Variants in MICAL3 observed in about 807,000 individuals in gnomAD.
The protein encoded by MICAL3 is microtubule associated monooxygenase, calponin and LIM domain containing 3.
Under a neutral mutation model 207.4 loss-of-function variants are expected in MICAL3, and 62 were observed. That is an observed-to-expected ratio of 0.30 (90% CI 0.24 to 0.37). MICAL3 has a LOEUF of 0.37. Among genes scored for constraint, MICAL3 ranks in the 10% least tolerant of loss-of-function variants. MICAL3 has a pLI of 1.00. For synonymous variants in MICAL3, 1,077 were observed against 1,069.3 expected, an observed-to-expected ratio of 1.01 and a Z score of -0.14; for missense variants, 2,368 against 2,635.6, an observed-to-expected ratio of 0.90 and a Z score of 2.22.
At chr22:17,872,971 A>G (rs1314606124) in intron 16 of MICAL3, 2 of 710,738 alleles carry the variant, frequency 2.8e-6, no homozygotes, top group Non-Finnish European at 4.9e-6. Flanking sequence ...ATTTGAATAC[A>G]AGGTGCAGCA....
At chr22:17,928,265 C>T (rs1324441266) in intron 1 of MICAL3, among the ~76,000 whole-genome samples, 1 of 152,098 alleles carries the variant, frequency 6.6e-6, no homozygotes, top group Non-Finnish European at 1.5e-5. Context: ...CGGTGAAACC[C>T]CGCCTCTACT....
intron 5 of MICAL3, 68 bp downstream of exon 5, chr22:17,901,810 G>A (rs1004471197): frequency 8.8e-6 from 11 of 1,248,714 alleles, no homozygotes; most frequent in Admixed American, 1.8e-5. Flanking sequence ...GCACAGTCTC[G>A]CCCCAGAGGT....
At chr22:17,834,233 T>C (rs1923117300) in intron 20 of MICAL3, 3 of 1,091,858 alleles carry the variant, frequency 2.7e-6, no homozygotes. Flanking sequence ...GACACATTCA[T>C]TCATTCACTC....
At chr22:17,808,599 A>G (rs758227957) in intron 29 of MICAL3, among the ~76,000 whole-genome samples, 17 of 152,302 alleles carry the variant, frequency 1.1e-4, no homozygotes, top group Admixed American at 3.3e-4. Flanking sequence ...CATGCCGGGG[A>G]CTGAGTTTCA....
At chr22:17,865,465 T>C in intron 18 of MICAL3, among the ~76,000 whole-genome samples, 1 of 152,076 alleles carries the variant, frequency 6.6e-6, no homozygotes, top group East Asian at 1.9e-4. Flanking sequence ...CTCACAGAAC[T>C]AGTGAAAGGC....
Position 17,859,875 on chromosome 22 carries a change from G to A in MICAL3, c.2605+5024C>T, listed in dbSNP as rs566528458. 3.3e-5 allele frequency among the ~76,000 whole-genome samples: 5 copies of A among 152,330 alleles called. No individual in the cohort carries two copies. The South Asian group carries it at 1.0e-3, about 32-fold the overall frequency. The stretch of plus-strand genomic sequence containing the variant: ...CTGGTGGACTGCACCTGAGGCCCAT[G>A]GGCACAGGTGGCATCCTTCTTGCTT... On this transcript the variant is annotated intron_variant, in intron 19 of 31. Transcript: ENST00000441493.
At chr22:17,997,935 AAAAAAG>A (rs1375106544) in intron 1 of MICAL3, among the ~76,000 whole-genome samples, 2 of 152,280 alleles carry the variant, frequency 1.3e-5, no homozygotes, top group Admixed American at 6.5e-5. Context: ...TTCCAAAAAA[AAAAAAG>A]AAAAGAAAAA....
intron 19 of MICAL3, among the ~76,000 whole-genome samples, chr22:17,851,760 A>T (rs1925362894): frequency 6.6e-6 from 1 of 152,246 alleles, no homozygotes; most frequent in South Asian, 2.1e-4. Flanking sequence ...AGAAATTCTG[A>T]CGAAGACGCC....
In MICAL3 at chr22:17,790,924, G is replaced by A. The variant is rs572038593; in HGVS notation, c.5825-8C>T. ...CCTCAGTCTTAAGGTGATCTTGAAGGAGAAGAAGGCATGAGGTGAGGGGCC... is the reference window on the plus strand; with the variant it reads ...CCTCAGTCTTAAGGTGATCTTGAAGAAGAAGAAGGCATGAGGTGAGGGGCC... On this transcript the variant is annotated splice_region_variant and splice_polypyrimidine_tract_variant and intron_variant, in intron 31 of 31. Coordinates refer to ENST00000441493, the MANE Select transcript of MICAL3 (RefSeq NM_015241.3). 1.2e-6 allele frequency: 2 copies of A among 1,613,604 alleles called. No homozygotes were observed. Among genetic ancestry groups the A allele is most frequent in the Non-Finnish European group, 1.7e-6 (2 of 1,179,868 alleles).
chr22:17,918,238 G>T (rs530584324), intron 1 of MICAL3, among the ~76,000 whole-genome samples: 36 of 152,110 alleles, frequency 2.4e-4, no homozygotes, highest in African/African-American at 8.0e-4. Context: ...CTACGATCAT[G>T]CCACTGCACT....
At chr22:17,874,018 GACAGAC>G (rs1240342647) in intron 16 of MICAL3, among the ~76,000 whole-genome samples, 1 of 152,188 alleles carries the variant, frequency 6.6e-6, no homozygotes, top group Non-Finnish European at 1.5e-5. Flanking sequence ...GGCCTGAATG[GACAGAC>G]ACATAAGGCC....
intron 22 of MICAL3, among the ~76,000 whole-genome samples, chr22:17,825,360 G>A (rs183444087): frequency 3.9e-5 from 6 of 152,186 alleles, no homozygotes; most frequent in South Asian, 2.1e-4. Context: ...AGGTTAAGAC[G>A]GAGTGCAGGG....
intron 17 of MICAL3, among the ~76,000 whole-genome samples, chr22:17,868,908 G>A (rs1927432752): frequency 6.6e-6 from 1 of 151,986 alleles, no homozygotes; most frequent in Admixed American, 6.6e-5. Flanking sequence ...ACGCATGGAT[G>A]AGACAGTGCG....
At chr22:17,863,558 G>A (rs759897121) in intron 19 of MICAL3, 197 of 985,342 alleles carry the variant, frequency 2.0e-4, no homozygotes, top group Non-Finnish European at 2.3e-4. Flanking sequence ...ATTAATGGTT[G>A]AAACATGGCT....
At chr22:17,816,074 G>A (rs768101265) in intron 27 of MICAL3, among the ~76,000 whole-genome samples, 4 of 152,294 alleles carry the variant, frequency 2.6e-5, no homozygotes, top group Admixed American at 1.3e-4. Flanking sequence ...GCAGAGCTCC[G>A]CCCACCCTGT....
At chr22:17,882,482 C>A (rs1929533380) in intron 16 of MICAL3, among the ~76,000 whole-genome samples, 1 of 152,190 alleles carries the variant, frequency 6.6e-6, no homozygotes, top group African/African-American at 2.4e-5. Context: ...GGCCTGGGTA[C>A]CACTGGAGTT....
At position 17,810,332 on chromosome 22, in the gene MICAL3, A is replaced by G. The variant is rs376906296; in HGVS notation, c.5556+371T>C. Among the ~76,000 whole-genome samples, 321 of 151,840 alleles carry G rather than the reference A, an allele frequency of 2.1e-3. 2 individuals carry two copies. The highest frequency in any genetic ancestry group is 7.3e-3 in the South Asian group (35 of 4,792). Reference sequence around the variant, plus strand: ...CCCGCCTTGGCCTCCCAAAGTGCTGAGATTATAGGCATGAGCCACCGCACC... The same window carrying G: ...CCCGCCTTGGCCTCCCAAAGTGCTGGGATTATAGGCATGAGCCACCGCACC... On this transcript the variant is annotated intron_variant, in intron 28 of 31. Coordinates refer to ENST00000441493, the MANE Select transcript of MICAL3 (RefSeq NM_015241.3).
chr22:17,822,932 AGGGC>A lies in MICAL3; in HGVS notation c.3307+11_3307+14del, dbSNP rs1204774068. The A allele has an allele frequency of 5.2e-6, 8 of 1,545,708 alleles. No homozygotes were observed. The South Asian group carries it at 9.0e-5, about 17-fold the overall frequency. On this transcript the variant is annotated intron_variant, in intron 23 of 31. Transcript: ENST00000441493. ...CTGAGCTCCCACCACAGGGGCGGGG[AGGGC>A]GGACCCCTACCATCATCCAGCTCAG...
chr22:17,850,113 C>G (rs1925132535), intron 19 of MICAL3, among the ~76,000 whole-genome samples: 1 of 152,106 alleles, frequency 6.6e-6, no homozygotes, highest in South Asian at 2.1e-4. Context: ...CTGGGAAATT[C>G]AGTTGCTTTG....
Sources: gnomAD v4.1 joint callset for allele counts (sites outside exome capture counted in the v4.1 genomes callset) on GRCh38, gnomAD v4.1.1 for gene constraint, MANE v1.5 for transcripts, NCBI Gene and HGNC (gene_info 2026-07-23, HGNC 2026-07-21) for gene names.